The following GAS2 variants were observed in gnomAD, a reference collection of about 807,000 sequenced individuals.
The protein encoded by GAS2 is growth arrest specific 2.
Under a neutral mutation model 37.5 loss-of-function variants are expected in GAS2, and 20 were observed. The ratio of observed to expected loss-of-function variants is 0.53; its 90% CI spans 0.37 to 0.77. The LOEUF (loss-of-function observed/expected upper bound fraction) is 0.77, where lower values mean the gene tolerates loss of function less well. Among genes scored for constraint, GAS2 ranks in the 30% least tolerant of loss-of-function variants. The pLI, the probability that GAS2 is intolerant of heterozygous loss-of-function variation, is 0.00. For synonymous variants in GAS2, 144 were observed against 132.2 expected (o/e 1.09, Z -0.61); for missense variants, 336 against 373.4 (o/e 0.90, Z 0.82).
chr11:22,636,462 G>A (rs895390192), intron 1 of GAS2, among the ~76,000 whole-genome samples: 1 of 152,124 alleles, frequency 6.6e-6, no homozygotes, highest in Admixed American at 6.5e-5. Context: ...CTCCCACATT[G>A]CATAACAGCC....
chr11:22,773,345 C>T (rs940300674), intron 7 of GAS2, among the ~76,000 whole-genome samples: 6 of 150,540 alleles, frequency 4.0e-5, no homozygotes, highest in South Asian at 2.1e-4. Context: ...GACTTATGCT[C>T]CAGTCATCTT....
chr11:22,712,580 A>C (rs558446928), intron 3 of GAS2, among the ~76,000 whole-genome samples: 1 of 152,314 alleles, frequency 6.6e-6, no homozygotes, highest in East Asian at 1.9e-4. Flanking sequence ...ATTTCCAATG[A>C]AACATTCTAC....
intron 3 of GAS2, among the ~76,000 whole-genome samples, chr11:22,704,895 A>G (rs1322031830): frequency 6.6e-6 from 1 of 151,990 alleles, no homozygotes; most frequent in Non-Finnish European, 1.5e-5. Flanking sequence ...TTGTTCAAAG[A>G]TTGAAAAGTA....
intron 3 of GAS2, among the ~76,000 whole-genome samples, chr11:22,693,640 CTA>C (rs1275411181): frequency 1.3e-5 from 2 of 152,064 alleles, no homozygotes; most frequent in African/African-American, 4.8e-5. Flanking sequence ...TCAGGTAAAA[CTA>C]TAAAAATAAC....
At chr11:22,675,995 G>T (rs1042750496) in intron 2 of GAS2, among the ~76,000 whole-genome samples, 4 of 152,052 alleles carry the variant, frequency 2.6e-5, no homozygotes, top group Non-Finnish European at 4.4e-5. Context: ...ATTTTTGCAT[G>T]GCTTTTGTAT....
chr11:22,798,997 A>C (rs867335765), intron 7 of GAS2, among the ~76,000 whole-genome samples: 26 of 152,248 alleles, frequency 1.7e-4, no homozygotes, highest in Middle Eastern at 3.4e-3. Flanking sequence ...AGATGACTGC[A>C]TTCTAAAAAC....
chr11:22,788,980 T>C (rs1855959826), intron 7 of GAS2, among the ~76,000 whole-genome samples: 1 of 152,034 alleles, frequency 6.6e-6, no homozygotes, highest in Admixed American at 6.6e-5. Flanking sequence ...TATCATTTAA[T>C]AGATATTTTA....
chr11:22,787,916 G>A (rs757387308), intron 7 of GAS2, among the ~76,000 whole-genome samples: 13 of 152,132 alleles, frequency 8.5e-5, no homozygotes, highest in East Asian at 1.9e-4. Flanking sequence ...TTATTGGTTC[G>A]CATTTCTTTT....
In GAS2 at chr11:22,811,980, C is replaced by G; in HGVS notation, c.906C>G (p.Val302=). The part of the protein sequence containing the change: ...KDMNPDNYLV[V]SASYKAKKEI... Reference sequence around the variant, plus strand: ...TGAATCCAGATAACTACTTGGTGGTCTCTGCCAGTTATAAGGCTAAGAAGG... The same window carrying G: ...TGAATCCAGATAACTACTTGGTGGTGTCTGCCAGTTATAAGGCTAAGAAGG... The change falls in exon 8 of 8, where the codon GTC becomes GTG. Residue 302 remains valine, a synonymous_variant. Coordinates refer to ENST00000454584, the MANE Select transcript of GAS2 (RefSeq NM_001143830.3). The G allele has an allele frequency of 6.2e-7, 1 of 1,614,060 alleles. No individual in the cohort carries two copies. Among genetic ancestry groups the G allele is most frequent in the South Asian group, 1.1e-5 (1 of 91,082 alleles).
At chr11:22,739,300 C>T (rs1852923731) in intron 5 of GAS2, among the ~76,000 whole-genome samples, 2 of 152,026 alleles carry the variant, frequency 1.3e-5, no homozygotes, top group African/African-American at 4.8e-5. Flanking sequence ...GTTGGCCGGG[C>T]GCTGTGGCTC....
At chr11:22,811,743 C>A (rs1857179690) in intron 7 of GAS2, 55 bp from the exon 8 acceptor site, 6 of 1,520,082 alleles carry the variant, frequency 3.9e-6, no homozygotes, top group Non-Finnish European at 5.5e-6. Context: ...GGGGTTGATT[C>A]AAGGTACTGT....
intron 2 of GAS2, among the ~76,000 whole-genome samples, chr11:22,678,319 A>G (rs1316107028): frequency 6.6e-6 from 1 of 152,156 alleles, no homozygotes; most frequent in East Asian, 1.9e-4. Flanking sequence ...AGATACATTT[A>G]GTATTCACAT....
intron 1 of GAS2, among the ~76,000 whole-genome samples, chr11:22,645,469 T>C (rs1461078492): frequency 6.6e-6 from 1 of 152,048 alleles, no homozygotes; most frequent in Non-Finnish European, 1.5e-5. Flanking sequence ...ATCATGCCAC[T>C]GCACTCCAGC....
chr11:22,801,539 T>C (rs955597189), intron 7 of GAS2, among the ~76,000 whole-genome samples: 1 of 152,062 alleles, frequency 6.6e-6, no homozygotes, highest in East Asian at 1.9e-4. Flanking sequence ...GATAGTGACT[T>C]ACGTGACATG....
chr11:22,641,126 A>G (rs896379805), intron 1 of GAS2, among the ~76,000 whole-genome samples: 3 of 150,392 alleles, frequency 2.0e-5, no homozygotes, highest in African/African-American at 7.3e-5. Context: ...AGCAGTCGGA[A>G]GGACTGGAGG....
At chr11:22,633,363 G>A (rs1301862492) in intron 1 of GAS2, among the ~76,000 whole-genome samples, 5 of 152,122 alleles carry the variant, frequency 3.3e-5, no homozygotes, top group African/African-American at 1.2e-4. Context: ...TTGGTGTGAT[G>A]GCCTTCTCAG....
intron 7 of GAS2, among the ~76,000 whole-genome samples, chr11:22,762,009 C>G (rs1854418002): frequency 6.6e-6 from 1 of 152,078 alleles, no homozygotes; most frequent in Non-Finnish European, 1.5e-5. Context: ...GAAATAGTCT[C>G]CCTCCCACCT....
intron 1 of GAS2, among the ~76,000 whole-genome samples, chr11:22,647,357 A>G (rs1848710206): frequency 6.6e-6 from 1 of 152,026 alleles, no homozygotes; most frequent in African/African-American, 2.4e-5. Flanking sequence ...AGTCTTTGCT[A>G]TTGTGAATAA....
At chr11:22,758,706 G>T (rs1564874417) in intron 7 of GAS2, among the ~76,000 whole-genome samples, 1 of 152,054 alleles carries the variant, frequency 6.6e-6, no homozygotes, top group South Asian at 2.1e-4. Context: ...CTGAGGTTGG[G>T]AGTTCGAGAC....
Sources: gnomAD v4.1 joint callset for allele counts (sites outside exome capture counted in the v4.1 genomes callset) on GRCh38, gnomAD v4.1.1 for gene constraint, MANE v1.5 for transcripts, NCBI Gene and HGNC (gene_info 2026-07-23, HGNC 2026-07-21) for gene names.